PRSS54: variants seen among roughly 807,000 people sequenced by gnomAD.
The protein encoded by PRSS54 is inactive serine protease 54.
In PRSS54, 16 loss-of-function variants were observed where a neutral mutation model predicts 19.9. That is an observed-to-expected ratio of 0.80 (90% CI 0.54 to 1.22). The LOEUF (loss-of-function observed/expected upper bound fraction) is 1.22. PRSS54 is among the 50% of genes most tolerant of loss of function. The pLI is 0.00. For missense variants in PRSS54, 444 were observed against 494.8 expected, an observed-to-expected ratio of 0.90 and a Z score of 0.97; for synonymous variants, 177 against 195.8, an observed-to-expected ratio of 0.90 and a Z score of 0.80.
intron 1 of PRSS54, among the ~76,000 whole-genome samples, chr16:58,294,452 G>A (rs1239930841): frequency 2.0e-5 from 3 of 152,210 alleles, no homozygotes; most frequent in Non-Finnish European, 4.4e-5. Context: ...CCAGGTTCAA[G>A]CGATTTTCCT....
At position 58,280,339 on chromosome 16, in the gene PRSS54, T is replaced by C. The variant is rs1161374660; in HGVS notation, c.1073A>G (p.Tyr358Cys). 1.9e-6 allele frequency: 3 copies of C among 1,614,186 alleles called. No homozygotes were observed. Among genetic ancestry groups the C allele is most frequent in the South Asian group, 2.2e-5 (2 of 91,084 alleles). Reference sequence around the variant, plus strand: ...ACCTTCCCCCACCTCCCCACCGTAATAGTCATAGTATAAGGGTTGTACAGA... The same window carrying C: ...ACCTTCCCCCACCTCCCCACCGTAACAGTCATAGTATAAGGGTTGTACAGA... Reference protein sequence around the residue: ...EASVQPLYYDYYGGEVGEGRI... With the variant: ...EASVQPLYYDCYGGEVGEGRI... Residue 358 changes from tyrosine to cysteine, a missense_variant, in exon 7 of 7, where the codon TAT becomes TGT. By Grantham distance (194) the Tyr-to-Cys change is radical. Transcript: ENST00000567164.
chr16:58,291,058 C>T lies in PRSS54; in HGVS notation c.164G>A (p.Trp55Ter), dbSNP rs760494139. 1 of 1,614,064 alleles carries T rather than the reference C, an allele frequency of 6.2e-7. No individual in the cohort carries two copies. Residue 55 changes from tryptophan to a stop codon, truncating the protein, a stop_gained, in exon 4 of 7, where the codon TGG (tryptophan) becomes TAG (stop). Coordinates refer to ENST00000567164, the MANE Select transcript of PRSS54 (RefSeq NM_001305173.2). LOFTEE classifies it high-confidence loss of function. ...EGLVSSMEFP[W>*]VVSLQDSQYT... ...CTGGGAGTCCTGCAGCGACACCACC[C>T]ACGGGAACTCCATGCTGCTGACCAA...
intron 6 of PRSS54, 190 bp downstream of exon 6, chr16:58,284,400 G>A: frequency 3.5e-6 from 2 of 568,198 alleles, no homozygotes; most frequent in Non-Finnish European, 6.2e-6. Context: ...ATCGTGACTG[G>A]TTAGTTCATT....
intron 6 of PRSS54, chr16:58,282,409 A>AT (rs1263644472): frequency 6.6e-6 from 1 of 152,282 alleles, no homozygotes; most frequent in African/African-American, 2.4e-5. Flanking sequence ...AAGTGCTGGG[A>AT]TTAGGCATGA....
chr16:58,282,537 A>T (rs1964791920), intron 6 of PRSS54: 1 of 152,494 alleles, frequency 6.6e-6, no homozygotes, highest in Non-Finnish European at 1.5e-5. Context: ...TGGGCAGGCC[A>T]GCGGGGAGGC....
intron 6 of PRSS54, chr16:58,283,727 A>G (rs1437107399): frequency 3.3e-5 from 5 of 152,250 alleles, no homozygotes; most frequent in African/African-American, 7.2e-5. Context: ...CAGAGGACCC[A>G]GTACAAAATA....
chr16:58,291,284 G>T, intron 3 of PRSS54, 148 bp from the exon 4 acceptor site: 1 of 705,366 alleles, frequency 1.4e-6, no homozygotes, highest in Non-Finnish European at 2.3e-6. Context: ...CCTAAAAGAT[G>T]CTCAGTGGCA....
At chr16:58,282,009 ATT>A (rs36044125) in intron 6 of PRSS54, 21 of 131,114 alleles carry the variant, frequency 1.6e-4, no homozygotes, top group Non-Finnish European at 1.4e-4. Flanking sequence ...TGCCCAGCTA[ATT>A]TTTTTTTTTT....
At position 58,293,818 on chromosome 16, in the gene PRSS54, G is replaced by A; in HGVS notation, c.-2C>T. 1.2e-6 allele frequency: 2 copies of A among 1,611,606 alleles called. No homozygotes were observed. The highest frequency in any genetic ancestry group is 3.3e-5 in the Admixed American group (2 of 59,718). On this transcript the variant is annotated 5_prime_UTR_variant, in exon 3 of 7. Transcript: ENST00000567164. The stretch of plus-strand genomic sequence containing the variant: ...AGAGAGACCCGCCGCGGACACCATG[G>A]GCAGCTGGGGAAACAAAACCCAATG...
At position 58,280,138 on chromosome 16, in the gene PRSS54, C is replaced by A; in HGVS notation, c.*86G>T. ...CGTGGCAGCCCCAGTGTGCAACTAT[C>A]AAAAACAGACATCAAAACAGCATGG... On this transcript the variant is annotated 3_prime_UTR_variant, in exon 7 of 7. Coordinates refer to ENST00000567164, the MANE Select transcript of PRSS54 (RefSeq NM_001305173.2). The A allele has an allele frequency of 7.1e-7, 1 of 1,402,490 alleles. No individual in the cohort carries two copies. Among genetic ancestry groups the A allele is most frequent in the South Asian group, 1.3e-5 (1 of 74,618 alleles). The allele number at this position is 1,402,490 out of a possible 1,614,324, so 86.9% of individuals were successfully genotyped here. A position where few individuals can be genotyped will look rare whatever the true frequency, so the allele number is the denominator to read the frequency against.
chr16:58,292,426 TAA>T (rs1214513226), intron 3 of PRSS54, among the ~76,000 whole-genome samples: 1 of 152,056 alleles, frequency 6.6e-6, no homozygotes, highest in East Asian at 1.9e-4. Context: ...GCCCAGGACA[TAA>T]AGTCTCGGAG....
intron 3 of PRSS54, among the ~76,000 whole-genome samples, chr16:58,291,414 G>A (rs1157751091): frequency 6.6e-6 from 1 of 152,174 alleles, no homozygotes; most frequent in Non-Finnish European, 1.5e-5. Context: ...TCAAAGCCTG[G>A]TCTGGGACCC....
At chr16:58,290,026 A>G (rs1285728316) in intron 4 of PRSS54, among the ~76,000 whole-genome samples, 1 of 151,348 alleles carries the variant, frequency 6.6e-6, no homozygotes, top group African/African-American at 2.4e-5. Context: ...TATATACGTA[A>G]TTATAGATTA....
chr16:58,285,097 G>C (rs1385673173), intron 5 of PRSS54: 1 of 171,604 alleles, frequency 5.8e-6, no homozygotes, highest in Non-Finnish European at 1.3e-5. Flanking sequence ...TTACAGGCAT[G>C]AGCCGCTGTG....
intron 4 of PRSS54, among the ~76,000 whole-genome samples, chr16:58,290,150 A>G (rs1965007781): frequency 8.4e-6 from 1 of 118,588 alleles, no homozygotes; most frequent in Admixed American, 8.2e-5. Context: ...CATGTATAGT[A>G]TACACTATAT....
In PRSS54 at chr16:58,285,922, G is replaced by A; in HGVS notation, c.522+15C>T. On this transcript the variant is annotated intron_variant, in intron 5 of 6. Transcript: ENST00000567164. ...GCACACACGCAGCCTTCTCTGGGAG[G>A]AGGAATGCCTTAACTGCAGATGTGG... 6.2e-7 allele frequency: 1 copy of A among 1,613,260 alleles called. No individual in the cohort carries two copies. The highest frequency in any genetic ancestry group is 8.5e-7 in the Non-Finnish European group (1 of 1,179,538).
At chr16:58,283,284 G>T (rs918961373) in intron 6 of PRSS54, 2 of 152,196 alleles carry the variant, frequency 1.3e-5, no homozygotes, top group African/African-American at 4.8e-5. Flanking sequence ...CAAGACAGAG[G>T]ATTCTATGGG....
At chr16:58,293,691 G>A (rs747724733) in intron 3 of PRSS54, 41 bp downstream of exon 3, 43 of 1,585,568 alleles carry the variant, frequency 2.7e-5, no homozygotes, top group African/African-American at 5.4e-5. Flanking sequence ...TCTGTGCCAC[G>A]TGTGCAGCTA....
intron 4 of PRSS54, among the ~76,000 whole-genome samples, chr16:58,286,931 C>G (rs1395051501): frequency 6.6e-6 from 1 of 151,910 alleles, no homozygotes; most frequent in Non-Finnish European, 1.5e-5. Flanking sequence ...AAATGAAGGC[C>G]AAATCAAAAG....
Sources: gnomAD v4.1 joint callset for allele counts (sites outside exome capture counted in the v4.1 genomes callset) on GRCh38, gnomAD v4.1.1 for gene constraint, MANE v1.5 for transcripts, NCBI Gene and HGNC (gene_info 2026-07-23, HGNC 2026-07-21) for gene names.